Variants in DYM observed in about 807,000 individuals in gnomAD.
DYM encodes the protein dymeclin, also known as dyggve-Melchior-Clausen syndrome protein.
DYM carries 78 observed loss-of-function variants against 93.1 expected under a neutral mutation model. The ratio of observed to expected loss-of-function variants is 0.84; its 90% confidence interval spans 0.70 to 1.01. The LOEUF (loss-of-function observed/expected upper bound fraction) is 1.01, where lower values mean the gene tolerates loss of function less well. Among genes scored for constraint, DYM ranks in the 50% least tolerant of loss-of-function variants. The pLI is 0.00. For missense variants in DYM, 789 were observed against 845.0 expected (o/e 0.93, Z 0.82); for synonymous variants, 321 against 319.7 (o/e 1.00, Z -0.04).
At chr18:49,366,955 G>A (rs1233883864) in intron 5 of DYM, among the ~76,000 whole-genome samples, 1 of 151,886 alleles carries the variant, frequency 6.6e-6, no homozygotes, top group African/African-American at 2.4e-5. Flanking sequence ...TACTCTCAAG[G>A]AAAAAAATTA....
chr18:49,231,306 G>A (rs1443062028), intron 13 of DYM, among the ~76,000 whole-genome samples: 12 of 152,174 alleles, frequency 7.9e-5, no homozygotes, highest in Admixed American at 5.2e-4. Context: ...AGTAGAGTGG[G>A]TATCCCAGAG....
intron 15 of DYM, among the ~76,000 whole-genome samples, chr18:49,152,134 T>C (rs553637630): frequency 6.6e-6 from 1 of 152,328 alleles, no homozygotes; most frequent in South Asian, 2.1e-4. Flanking sequence ...TATTTCTTTT[T>C]ATAAGCCAGA....
intron 14 of DYM, among the ~76,000 whole-genome samples, chr18:49,166,371 G>A (rs553629871): frequency 1.3e-5 from 2 of 152,022 alleles, no homozygotes; most frequent in African/African-American, 4.8e-5. Context: ...TGGATATACC[G>A]TAATTTATTT....
At chr18:49,116,543 G>A (rs2081942622) in intron 16 of DYM, 1 of 152,196 alleles carries the variant, frequency 6.6e-6, no homozygotes, top group Admixed American at 6.5e-5. Context: ...TCTACTGAAT[G>A]TTATAATCCT....
intron 13 of DYM, among the ~76,000 whole-genome samples, chr18:49,245,890 T>C (rs367899352): frequency 1.1e-4 from 17 of 152,210 alleles, no homozygotes; most frequent in East Asian, 7.7e-4. Context: ...CTTTGTGCTC[T>C]TTCTCTTTAT....
At chr18:49,370,430 G>T (rs1012058982) in intron 5 of DYM, among the ~76,000 whole-genome samples, 1 of 151,846 alleles carries the variant, frequency 6.6e-6, no homozygotes, top group Non-Finnish European at 1.5e-5. Flanking sequence ...ATCTCCAAAG[G>T]CTTCTTCCCT....
In DYM at chr18:49,130,037, G is replaced by A. The variant is rs188902050; in HGVS notation, c.1729-11111C>T. Among the ~76,000 whole-genome samples, 6 of 152,120 alleles carry A rather than the reference G, an allele frequency of 3.9e-5. No individual in the cohort carries two copies. The East Asian group carries it at 5.8e-4, about 15-fold the overall frequency. ...CCAAGTTGGGTTCAGGATCCTATAC[G>A]CATACCAATATCAAGCACAGGTCTG... On this transcript the variant is annotated intron_variant, in intron 15 of 17. Coordinates refer to ENST00000675505, the MANE Select transcript of DYM (RefSeq NM_001353214.3).
intron 13 of DYM, among the ~76,000 whole-genome samples, chr18:49,237,078 T>G (rs954139453): frequency 6.6e-6 from 1 of 152,118 alleles, no homozygotes; most frequent in Non-Finnish European, 1.5e-5. Flanking sequence ...AAGGGTCTCC[T>G]GCTTGGAACC....
intron 14 of DYM, among the ~76,000 whole-genome samples, chr18:49,206,878 G>C (rs940260620): frequency 6.6e-6 from 1 of 152,196 alleles, no homozygotes; most frequent in Non-Finnish European, 1.5e-5. Context: ...GAAGGAGGGG[G>C]TTCCAGGAAA....
intron 14 of DYM, among the ~76,000 whole-genome samples, chr18:49,204,150 C>T (rs921220714): frequency 6.6e-6 from 1 of 152,142 alleles, no homozygotes; most frequent in Non-Finnish European, 1.5e-5. Context: ...GTTATATGAA[C>T]CCCAAAAGGT....
intron 8 of DYM, among the ~76,000 whole-genome samples, chr18:49,295,472 C>T (rs1176102323): frequency 1.3e-5 from 2 of 152,176 alleles, no homozygotes; most frequent in Non-Finnish European, 1.5e-5. Flanking sequence ...ATTTTCTCCT[C>T]ACATCCTTAT....
chr18:49,332,030 C>T (rs1444133882), intron 7 of DYM, 24 bp from the exon 8 acceptor site: 5 of 1,604,708 alleles, frequency 3.1e-6, no homozygotes, highest in Non-Finnish European at 4.3e-6. Context: ...AAAAAAAAAT[C>T]AAACTCATAT....
chr18:49,091,220 C>T (rs541104038), intron 17 of DYM, among the ~76,000 whole-genome samples: 5 of 151,938 alleles, frequency 3.3e-5, no homozygotes, highest in Non-Finnish European at 7.4e-5. Flanking sequence ...CTTCAGATAC[C>T]CCAGTAAACA....
intron 13 of DYM, among the ~76,000 whole-genome samples, chr18:49,228,579 G>C (rs911083638): frequency 6.6e-6 from 1 of 152,012 alleles, no homozygotes; most frequent in African/African-American, 2.4e-5. Flanking sequence ...TCTCACAGTT[G>C]GCCAAACTGA....
intron 13 of DYM, among the ~76,000 whole-genome samples, chr18:49,224,977 A>G (rs2093478421): frequency 6.6e-6 from 1 of 152,148 alleles, no homozygotes; most frequent in African/African-American, 2.4e-5. Context: ...ACCAGTGTCA[A>G]ATACAACTGA....
intron 14 of DYM, among the ~76,000 whole-genome samples, chr18:49,173,862 T>C (rs922362466): frequency 1.3e-5 from 2 of 152,158 alleles, no homozygotes; most frequent in African/African-American, 2.4e-5. Context: ...TCTTGACTTA[T>C]GGCACTGGCT....
chr18:49,260,889 G>GT (rs939959985), intron 11 of DYM, among the ~76,000 whole-genome samples: 29 of 150,692 alleles, frequency 1.9e-4, no homozygotes, highest in Admixed American at 6.6e-5. Flanking sequence ...CACAACACAT[G>GT]TAAGTATTTA....
At chr18:49,303,128 G>T (rs1412149580) in intron 8 of DYM, among the ~76,000 whole-genome samples, 1 of 152,162 alleles carries the variant, frequency 6.6e-6, no homozygotes, top group Non-Finnish European at 1.5e-5. Flanking sequence ...TGTGGTTTTT[G>T]TGTTTGCTTG....
chr18:49,257,444 T>C (rs1315119419), intron 12 of DYM, among the ~76,000 whole-genome samples: 6 of 152,200 alleles, frequency 3.9e-5, no homozygotes, highest in African/African-American at 1.4e-4. Context: ...ATTATCTTTC[T>C]AAAATCCAAA....
Sources: allele counts gnomAD v4.1 joint callset (sites outside exome capture counted in the v4.1 genomes callset), GRCh38; gene constraint gnomAD v4.1.1; transcripts MANE v1.5; gene names NCBI Gene and HGNC (gene_info 2026-07-23, HGNC 2026-07-21).